The following RORB variants were observed in gnomAD, a reference collection of about 807,000 sequenced individuals.
The protein encoded by RORB is RAR related orphan receptor B.
Under a neutral mutation model 59.1 loss-of-function variants are expected in RORB, and 6 were observed. The ratio of observed to expected loss-of-function variants is 0.10; its 90% CI spans 0.06 to 0.20. The LOEUF (loss-of-function observed/expected upper bound fraction) is 0.20, where lower values mean the gene tolerates loss of function less well. Ranked by LOEUF, RORB falls within the 10% of genes least tolerant of loss-of-function variation. The pLI is 1.00. For missense variants in RORB, 320 were observed against 560.5 expected (o/e 0.57, Z 4.33); for synonymous variants, 215 against 204.5 (o/e 1.05, Z -0.44).
Position 74,520,683 on chromosome 9 carries a change from T to C in RORB, c.7+22700T>C, listed in dbSNP as rs553026245. ...TATACAATATTTCAACTTTTAAAAGTTGGCTTCAAACAGCTACCTAGAATT... is the reference window on the plus strand; with the variant it reads ...TATACAATATTTCAACTTTTAAAAGCTGGCTTCAAACAGCTACCTAGAATT... On this transcript the variant is annotated intron_variant, in intron 1 of 9. Transcript: ENST00000376896. Among the ~76,000 whole-genome samples, 16 of 152,070 alleles carry C rather than the reference T, an allele frequency of 1.1e-4. No individual in the cohort carries two copies. In the East Asian group the frequency reaches 2.7e-3, roughly 26 times the overall value.
chr9:74,623,797 G>A (rs1012606430), intron 1 of RORB, among the ~76,000 whole-genome samples: 3 of 152,124 alleles, frequency 2.0e-5, no homozygotes, highest in South Asian at 2.1e-4. Flanking sequence ...GAATAACGTC[G>A]GGTCCCACGC....
intron 1 of RORB, among the ~76,000 whole-genome samples, chr9:74,538,200 A>G (rs1826350129): frequency 6.6e-6 from 1 of 152,160 alleles, no homozygotes; most frequent in Admixed American, 6.5e-5. Flanking sequence ...ATAGTAGGCT[A>G]TACCATTTAG....
At chr9:74,521,531 G>C (rs1417177277) in intron 1 of RORB, among the ~76,000 whole-genome samples, 1 of 151,786 alleles carries the variant, frequency 6.6e-6, no homozygotes, top group Non-Finnish European at 1.5e-5. Context: ...AGTCTTCACA[G>C]TTAATAAAAG....
At chr9:74,563,602 A>G (rs1227249074) in intron 1 of RORB, among the ~76,000 whole-genome samples, 1 of 152,238 alleles carries the variant, frequency 6.6e-6, no homozygotes, top group Non-Finnish European at 1.5e-5. Flanking sequence ...TTTGTCCAAC[A>G]TTCCTTTGTG....
intron 1 of RORB, among the ~76,000 whole-genome samples, chr9:74,566,594 C>T (rs968000034): frequency 2.0e-5 from 3 of 151,992 alleles, no homozygotes; most frequent in Admixed American, 6.6e-5. Context: ...GTCAGGAGTT[C>T]GAGACTAGCC....
intron 9 of RORB, among the ~76,000 whole-genome samples, chr9:74,682,872 C>G (rs1349287073): frequency 6.6e-6 from 1 of 152,194 alleles, no homozygotes; most frequent in Non-Finnish European, 1.5e-5. Context: ...GATTACAGAT[C>G]TGAGCCACTG....
rs1315648056 is a variant in RORB at position 74,502,437 on chromosome 9, AC to A, written c.7+4456del. On this transcript the variant is annotated intron_variant, in intron 1 of 9. Transcript: ENST00000376896. ...TCAGCTATGACATCACCTTTTATAA[AC>A]CTGTATTCACCTTTTAGAAATACAA... Among the ~76,000 whole-genome samples the A allele has an allele frequency of 2.0e-4, 31 of 152,156 alleles. No individual in the cohort carries two copies. The East Asian group carries it at 4.6e-3, about 23-fold the overall frequency.
chr9:74,535,938 G>A (rs1380611054), intron 1 of RORB, among the ~76,000 whole-genome samples: 5 of 151,936 alleles, frequency 3.3e-5, no homozygotes, highest in Non-Finnish European at 7.4e-5. Flanking sequence ...TATAAATTAT[G>A]GATATAAGGG....
intron 4 of RORB, among the ~76,000 whole-genome samples, chr9:74,659,596 T>G (rs1824147777): frequency 6.6e-6 from 1 of 152,170 alleles, no homozygotes; most frequent in African/African-American, 2.4e-5. Flanking sequence ...GTTCAAGCGA[T>G]TCTCCTGCCT....
intron 9 of RORB, among the ~76,000 whole-genome samples, chr9:74,680,045 G>A (rs1027250444): frequency 1.3e-5 from 2 of 152,180 alleles, no homozygotes; most frequent in Admixed American, 6.5e-5. Context: ...GGAAGTTGCA[G>A]TGAGCCGAAA....
At position 74,642,658 on chromosome 9, in the gene RORB, C is replaced by T. The variant is rs189210068; in HGVS notation, c.480C>T (p.Ser160=). The T allele has an allele frequency of 1.2e-5, 20 of 1,614,080 alleles. No individual in the cohort carries two copies. The highest frequency in any genetic ancestry group is 1.6e-5 in the Non-Finnish European group (19 of 1,180,040). Residue 160 remains serine (S), a synonymous_variant, in exon 4 of 10, where the codon TCC becomes TCT. Coordinates refer to ENST00000376896, the MANE Select transcript of RORB (RefSeq NM_006914.4). ...CTGAGGGTTATTACAACGTCGATTC[C>T]GGTCAGCCGTCCCCTGATCAGTCAG... is the stretch of plus-strand genomic sequence containing the variant. ...PKSEGYYNVD[S]GQPSPDQSGL...
chr9:74,622,028 T>C (rs147847618), intron 1 of RORB, among the ~76,000 whole-genome samples: 12 of 152,354 alleles, frequency 7.9e-5, no homozygotes, highest in Admixed American at 7.2e-4. Flanking sequence ...ATTTTTAACA[T>C]AGAAAAGTTG....
At chr9:74,657,949 G>A (rs927274563) in intron 4 of RORB, among the ~76,000 whole-genome samples, 2 of 140,838 alleles carry the variant, frequency 1.4e-5, no homozygotes, top group Middle Eastern at 3.9e-3. Context: ...AGGTTGCAGT[G>A]AGCCAAGATC....
intron 1 of RORB, among the ~76,000 whole-genome samples, chr9:74,564,780 A>G (rs1822445507): frequency 6.6e-6 from 1 of 152,242 alleles, no homozygotes; most frequent in Admixed American, 6.5e-5. Flanking sequence ...TTAAAAAGAA[A>G]GACTAGGAGA....
chr9:74,587,418 A>G (rs1822818327), intron 1 of RORB, among the ~76,000 whole-genome samples: 1 of 152,176 alleles, frequency 6.6e-6, no homozygotes, highest in Non-Finnish European at 1.5e-5. Context: ...CCTCTTGCCT[A>G]TTTTATATAT....
intron 1 of RORB, among the ~76,000 whole-genome samples, chr9:74,504,365 G>A (rs1375290538): frequency 6.6e-6 from 1 of 152,092 alleles, no homozygotes; most frequent in East Asian, 1.9e-4. Context: ...ATAATTAAAT[G>A]ATACATTTTG....
chr9:74,583,693 A>G (rs1158914499), intron 1 of RORB, among the ~76,000 whole-genome samples: 3 of 152,222 alleles, frequency 2.0e-5, no homozygotes, highest in Non-Finnish European at 4.4e-5. Flanking sequence ...ATCCATCCTT[A>G]GAACTCAGGC....
At chr9:74,657,935 G>A (rs773918038) in intron 4 of RORB, among the ~76,000 whole-genome samples, 1 of 149,698 alleles carries the variant, frequency 6.7e-6, no homozygotes, top group Non-Finnish European at 1.5e-5. Context: ...AACCTGGGAG[G>A]TGGAGGTTGC....
Position 74,622,736 on chromosome 9 carries a change from A to C in RORB, c.8-7546A>C, listed in dbSNP as rs548767648. Among the ~76,000 whole-genome samples the C allele has an allele frequency of 2.6e-5, 4 of 152,056 alleles. No individual in the cohort carries two copies. In the East Asian group the frequency reaches 7.7e-4, roughly 29 times the overall value. ...GAGACAGGGTTTCACCATGTTGGCC[A>C]GGATGGTCTCGATCTCTTAACCTGG... On this transcript the variant is annotated intron_variant, in intron 1 of 9. Coordinates refer to ENST00000376896, the MANE Select transcript of RORB (RefSeq NM_006914.4).
Sources: gnomAD v4.1 joint callset for allele counts (sites outside exome capture counted in the v4.1 genomes callset) on GRCh38, gnomAD v4.1.1 for gene constraint, MANE v1.5 for transcripts, NCBI Gene and HGNC (gene_info 2026-07-23, HGNC 2026-07-21) for gene names.